PTPRM: variants seen among roughly 807,000 people sequenced by gnomAD.
PTPRM encodes the protein receptor-type tyrosine-protein phosphatase mu.
PTPRM carries 47 observed loss-of-function variants against 186.7 expected under a neutral mutation model. The observed-to-expected ratio is 0.25, with a 90% confidence interval of 0.20 to 0.32. PTPRM has a LOEUF of 0.32. Among genes scored for constraint, PTPRM ranks in the 10% least tolerant of loss-of-function variants. PTPRM has a pLI of 1.00. For synonymous variants in PTPRM, 668 were observed against 674.9 expected, an observed-to-expected ratio of 0.99 and a Z score of 0.16; for missense variants, 1,494 against 1,865.0, an observed-to-expected ratio of 0.80 and a Z score of 3.66.
At chr18:7,976,549 A>G (rs1017067203) in intron 7 of PTPRM, among the ~76,000 whole-genome samples, 4 of 152,176 alleles carry the variant, frequency 2.6e-5, no homozygotes, top group Non-Finnish European at 4.4e-5. Context: ...GAATCTTCAT[A>G]TGCTTCGTGC....
At chr18:8,206,268 A>ATTTTTTTTTTTTTTTTTTTTTTTTTT (rs1238112461) in intron 14 of PTPRM, among the ~76,000 whole-genome samples, 3 of 148,988 alleles carry the variant, frequency 2.0e-5, no homozygotes, top group African/African-American at 7.8e-5. Flanking sequence ...ATTTTATTTT[A>ATTTTTTTTTTTTTTTTTTTTTTTTTT]TTTTGAGACG....
At chr18:7,825,013 T>A (rs1045638668) in intron 2 of PTPRM, among the ~76,000 whole-genome samples, 1 of 152,218 alleles carries the variant, frequency 6.6e-6, no homozygotes, top group East Asian at 1.9e-4. Flanking sequence ...TTTGGAGATA[T>A]TGGTTTTCTC....
chr18:7,915,915 T>C (rs749415141), intron 4 of PTPRM, among the ~76,000 whole-genome samples: 5 of 152,086 alleles, frequency 3.3e-5, no homozygotes, highest in Non-Finnish European at 5.9e-5. Context: ...ACTGAAAAAA[T>C]TTACACCATT....
At chr18:7,609,195 C>T (rs1246041382) in intron 1 of PTPRM, among the ~76,000 whole-genome samples, 2 of 152,166 alleles carry the variant, frequency 1.3e-5, no homozygotes, top group African/African-American at 4.8e-5. Context: ...TCTGCCCAGC[C>T]GTCTGTCTTT....
chr18:8,031,514 A>G (rs143713883), intron 7 of PTPRM, among the ~76,000 whole-genome samples: 1 of 152,340 alleles, frequency 6.6e-6, no homozygotes, highest in Admixed American at 6.5e-5. Context: ...ACAGAAAGCT[A>G]GTTCTGCAAA....
chr18:7,687,471 CT>C lies in PTPRM; in HGVS notation c.74-86677del, dbSNP rs532155206. 3.4e-3 allele frequency among the ~76,000 whole-genome samples: 519 copies of C among 152,206 alleles called. 10 individuals are homozygous for C. Among genetic ancestry groups the C allele is most frequent in the African/African-American group, 0.012 (502 of 41,558 alleles). On this transcript the variant is annotated intron_variant, in intron 1 of 32. Coordinates refer to ENST00000580170, the MANE Select transcript of PTPRM (RefSeq NM_001105244.2). Reference sequence around the variant, plus strand: ...ACATTTAATCTTATTTTGATTTACTCTAATTTATTTGATATCAGCAGCCTGT... The same window carrying C: ...ACATTTAATCTTATTTTGATTTACTCAATTTATTTGATATCAGCAGCCTGT...
At chr18:7,821,503 C>G (rs975902417) in intron 2 of PTPRM, among the ~76,000 whole-genome samples, 3 of 151,962 alleles carry the variant, frequency 2.0e-5, no homozygotes, top group Admixed American at 1.3e-4. Flanking sequence ...CGTTCCAAGT[C>G]CCCTAGTGGA....
intron 32 of PTPRM, among the ~76,000 whole-genome samples, chr18:8,396,782 C>T (rs951780563): frequency 6.6e-6 from 1 of 152,206 alleles, no homozygotes; most frequent in African/African-American, 2.4e-5. Flanking sequence ...ACATATCTGT[C>T]ACGGGGCTGT....
chr18:8,013,187 A>C (rs867892520), intron 7 of PTPRM, among the ~76,000 whole-genome samples: 18 of 152,198 alleles, frequency 1.2e-4, no homozygotes, highest in African/African-American at 4.3e-4. Context: ...TTAAATAATA[A>C]AAATTTTCAA....
intron 1 of PTPRM, among the ~76,000 whole-genome samples, chr18:7,672,375 AT>A (rs1174716344): frequency 2.6e-5 from 4 of 152,188 alleles, no homozygotes; most frequent in Non-Finnish European, 5.9e-5. Flanking sequence ...AAAGAAAAAT[AT>A]TTATTGGCAT....
intron 1 of PTPRM, among the ~76,000 whole-genome samples, chr18:7,678,435 A>G: frequency 6.6e-6 from 1 of 152,204 alleles, no homozygotes; most frequent in East Asian, 1.9e-4. Flanking sequence ...TGAGAACTAC[A>G]TGCAGGGAGC....
At chr18:7,824,308 G>A (rs375688186) in intron 2 of PTPRM, among the ~76,000 whole-genome samples, 2 of 152,304 alleles carry the variant, frequency 1.3e-5, no homozygotes, top group South Asian at 2.1e-4. Context: ...TTCTGCGGGT[G>A]ACATCAGTCA....
rs149957619 is a variant in PTPRM at position 7,691,813 on chromosome 18, T to C, written c.74-82336T>C. 9.8e-5 allele frequency among the ~76,000 whole-genome samples: 15 copies of C among 152,302 alleles called. No homozygotes were observed. The East Asian group carries it at 2.9e-3, about 29-fold the overall frequency. On this transcript the variant is annotated intron_variant, in intron 1 of 32. Coordinates refer to ENST00000580170, the MANE Select transcript of PTPRM (RefSeq NM_001105244.2). ...AATTGGTCATGGTGGCACATGCTCG[T>C]AGTCCAAGCTACTCAGGCGGCTGAG...
chr18:8,296,467 C>A lies in PTPRM; in HGVS notation c.2842+12C>A. 1 of 1,573,846 alleles carries A rather than the reference C, an allele frequency of 6.4e-7. No homozygotes were observed. The highest frequency in any genetic ancestry group is 8.7e-7 in the Non-Finnish European group (1 of 1,143,622). On this transcript the variant is annotated intron_variant, in intron 20 of 32. Transcript: ENST00000580170. ...GAATATCATTGCATGTAAGTGTCAACAGTGTCATTGTGCTGTTGTAGAACT... is the reference window on the plus strand; with the variant it reads ...GAATATCATTGCATGTAAGTGTCAAAAGTGTCATTGTGCTGTTGTAGAACT...
At chr18:8,240,780 GAGAGAGAGAGAGAGAGAGAGAGA>G (rs1568584572) in intron 14 of PTPRM, among the ~76,000 whole-genome samples, 5 of 25,588 alleles carry the variant, frequency 2.0e-4, no homozygotes, top group Non-Finnish European at 3.1e-4. Flanking sequence ...GAGAGAGGGA[GAGAGAGAGAGAGAGAGAGAGAGA>G]GAGAGAGAGA....
rs576825540 is a variant in PTPRM, at chr18:8,311,309, CA to C, written c.2843-3458del. Among the ~76,000 whole-genome samples, 901 of 127,342 alleles carry C rather than the reference CA, an allele frequency of 7.1e-3. 8 individuals are homozygous for C. Among genetic ancestry groups the C allele is most frequent in the South Asian group, 0.013 (51 of 3,850 alleles). 83.5% of individuals were successfully genotyped at this position (127,342 alleles called of 152,430 possible). ...GAGCAAAAAGAACAAAACTCCGTCT[CA>C]AAAAAAAAAAAAACCTGAAATTTAA... On this transcript the variant is annotated intron_variant, in intron 20 of 32. Coordinates refer to ENST00000580170, the MANE Select transcript of PTPRM (RefSeq NM_001105244.2).
chr18:7,980,388 T>TA (rs113700070), intron 7 of PTPRM, among the ~76,000 whole-genome samples: 1 of 151,822 alleles, frequency 6.6e-6, no homozygotes, highest in African/African-American at 2.4e-5. Flanking sequence ...TCTTTTTTTT[T>TA]ATTTTTAGTA....
chr18:7,982,213 G>A (rs1193355087), intron 7 of PTPRM, among the ~76,000 whole-genome samples: 1 of 150,696 alleles, frequency 6.6e-6, no homozygotes, highest in Non-Finnish European at 1.5e-5. Flanking sequence ...CAAACACATT[G>A]TACAACTGTA....
At chr18:7,853,222 A>C (rs1329132436) in intron 2 of PTPRM, among the ~76,000 whole-genome samples, 3 of 152,216 alleles carry the variant, frequency 2.0e-5, no homozygotes, top group Non-Finnish European at 4.4e-5. Flanking sequence ...GCAGATTTCA[A>C]ATTCAGACCA....
Sources: gnomAD v4.1 joint callset for allele counts (sites outside exome capture counted in the v4.1 genomes callset) on GRCh38, gnomAD v4.1.1 for gene constraint, MANE v1.5 for transcripts, NCBI Gene and HGNC (gene_info 2026-07-23, HGNC 2026-07-21) for gene names.